FMNL2: variants seen among roughly 807,000 people sequenced by gnomAD.
FMNL2 encodes the protein formin like 2, also known as formin-like protein 2.
In FMNL2, 51 loss-of-function variants were observed where a neutral mutation model predicts 130.2. The observed-to-expected ratio is 0.39, with a 90% confidence interval of 0.31 to 0.49. The LOEUF (loss-of-function observed/expected upper bound fraction) is 0.49, where lower values mean the gene tolerates loss of function less well. FMNL2 is among the 20% of genes least tolerant of loss of function. The pLI is 0.85. For synonymous variants in FMNL2, 465 were observed against 467.1 expected, an observed-to-expected ratio of 1.00 and a Z score of 0.06; for missense variants, 977 against 1,316.2, an observed-to-expected ratio of 0.74 and a Z score of 3.99.
chr2:152,604,936 C>G (rs1698282369), intron 9 of FMNL2, among the ~76,000 whole-genome samples: 1 of 141,900 alleles, frequency 7.0e-6, no homozygotes, highest in Admixed American at 7.0e-5. Flanking sequence ...CATTGCAGTT[C>G]TGACCTTTCG....
chr2:152,402,576 G>T (rs1685764729), intron 1 of FMNL2, among the ~76,000 whole-genome samples: 1 of 152,326 alleles, frequency 6.6e-6, no homozygotes, highest in East Asian at 1.9e-4. Context: ...GTAGGAAGGT[G>T]CAAGGACAGA....
intron 1 of FMNL2, among the ~76,000 whole-genome samples, chr2:152,520,869 C>T (rs1397663884): frequency 6.6e-6 from 1 of 152,100 alleles, no homozygotes; most frequent in African/African-American, 2.4e-5. Context: ...TCTCCCTAAG[C>T]CAAGTCCTTC....
At chr2:152,509,994 C>T (rs922801131) in intron 1 of FMNL2, among the ~76,000 whole-genome samples, 4 of 152,002 alleles carry the variant, frequency 2.6e-5, no homozygotes, top group Admixed American at 6.5e-5. Context: ...AATGATCCTC[C>T]CACCTTAGCC....
intron 2 of FMNL2, among the ~76,000 whole-genome samples, chr2:152,524,514 A>G (rs1275284069): frequency 6.6e-6 from 1 of 152,212 alleles, no homozygotes; most frequent in African/African-American, 2.4e-5. Context: ...GTAGGTGAAC[A>G]GAGTTCCCAT....
Position 152,578,932 on chromosome 2 carries a change from G to T in FMNL2, c.750G>T (p.Glu250Asp), listed in dbSNP as rs757417476. 6.8e-6 allele frequency: 11 copies of T among 1,613,524 alleles called. No homozygotes were observed. Among genetic ancestry groups the T allele is most frequent in the Non-Finnish European group, 9.3e-6 (11 of 1,179,684 alleles). Residue 250 changes from glutamate (E) to aspartate (D), a missense_variant, in exon 8 of 26, where the codon GAG becomes GAT. This residue lies in a region of FMNL2 where 689 missense variants were observed against 995.9 expected (regional missense o/e 0.69). Coordinates refer to ENST00000288670, the MANE Select transcript of FMNL2 (RefSeq NM_052905.4). Reference protein sequence around the residue: ...MVMSHPHAVNEIALSLNNKNP... With the variant: ...MVMSHPHAVNDIALSLNNKNP... ...TGTCTCATCCACACGCTGTCAATGAGATTGCACTAAGCCTGAACAACAAGA... is the reference window on the plus strand; with the variant it reads ...TGTCTCATCCACACGCTGTCAATGATATTGCACTAAGCCTGAACAACAAGA...
chr2:152,419,417 G>A (rs1686788729), intron 1 of FMNL2, among the ~76,000 whole-genome samples: 1 of 152,098 alleles, frequency 6.6e-6, no homozygotes, highest in South Asian at 2.1e-4. Context: ...AACATGAGTG[G>A]AATTAGAAAA....
At chr2:152,577,975 G>A (rs1399862300) in intron 7 of FMNL2, among the ~76,000 whole-genome samples, 1 of 152,118 alleles carries the variant, frequency 6.6e-6, no homozygotes, top group African/African-American at 2.4e-5. Context: ...TATGCTAATG[G>A]CAATGAGTCT....
intron 15 of FMNL2, among the ~76,000 whole-genome samples, chr2:152,622,812 G>GTTT (rs34011004): frequency 2.2e-5 from 3 of 136,854 alleles, no homozygotes. Context: ...CTGAGAAAAG[G>GTTT]TTTTTTTTTT....
chr2:152,484,266 G>T (rs1391413759), intron 1 of FMNL2, among the ~76,000 whole-genome samples: 1 of 152,114 alleles, frequency 6.6e-6, no homozygotes, highest in Non-Finnish European at 1.5e-5. Context: ...CCAAGGTCTT[G>T]GGACTCAGCA....
chr2:152,649,246 A>AAATC lies in FMNL2; in HGVS notation c.*1342_*1345dup, dbSNP rs1159966439. On this transcript the variant is annotated 3_prime_UTR_variant, in exon 26 of 26. Coordinates refer to ENST00000288670, the MANE Select transcript of FMNL2 (RefSeq NM_052905.4). ...TTAAATGTACAGATATTTTGCTATA[A>AAATC]AATCGGTGCAGTTTTTTATGGTTTT... The AAATC allele has an allele frequency of 3.9e-5, 6 of 152,566 alleles. No homozygotes were observed. Among genetic ancestry groups the AAATC allele is most frequent in the Non-Finnish European group, 7.3e-5 (5 of 68,038 alleles). The allele number at this position is 152,566 out of a possible 1,614,324, so 9.5% of individuals were successfully genotyped here.
At chr2:152,492,663 CAAAA>C (rs931352530) in intron 1 of FMNL2, among the ~76,000 whole-genome samples, 1 of 152,026 alleles carries the variant, frequency 6.6e-6, no homozygotes, top group Non-Finnish European at 1.5e-5. Context: ...TTGATTCAAA[CAAAA>C]AAACTAGCAT....
intron 1 of FMNL2, among the ~76,000 whole-genome samples, chr2:152,502,662 G>A (rs1691912217): frequency 6.6e-6 from 1 of 152,180 alleles, no homozygotes; most frequent in Non-Finnish European, 1.5e-5. Flanking sequence ...ACTCCAGCCT[G>A]GGCAACAGAG....
chr2:152,375,712 T>C (rs1316827201), intron 1 of FMNL2, among the ~76,000 whole-genome samples: 1 of 152,010 alleles, frequency 6.6e-6, no homozygotes, highest in Non-Finnish European at 1.5e-5. Context: ...ACATCATCAG[T>C]TGGCTTTCTC....
intron 1 of FMNL2, among the ~76,000 whole-genome samples, chr2:152,338,612 T>C (rs1383072444): frequency 6.6e-6 from 1 of 152,184 alleles, no homozygotes; most frequent in African/African-American, 2.4e-5. Flanking sequence ...AAAAGTAATC[T>C]TTTTAATAGA....
intron 9 of FMNL2, among the ~76,000 whole-genome samples, chr2:152,590,908 G>A (rs576748341): frequency 2.1e-5 from 3 of 141,418 alleles, no homozygotes; most frequent in Non-Finnish European, 4.5e-5. Context: ...TGCTTGGACT[G>A]TTTGGTAAGT....
rs1491203656 is a variant in FMNL2, at chr2:152,607,506, C to CAG, written c.951+94_951+95insGA. The CAG allele has an allele frequency of 2.4e-5, 17 of 712,514 alleles. No homozygotes were observed. The African/African-American group carries it at 3.2e-4, about 13-fold the overall frequency. The allele number at this position is 712,514 out of a possible 1,614,324, so 44.1% of individuals were successfully genotyped here. On this transcript the variant is annotated intron_variant, in intron 10 of 25. Transcript: ENST00000288670. ...ACACACACACACACACACACACACA[C>CAG]ATATTTATATTACAAAGGACAGGGA...
chr2:152,637,741 C>A, intron 23 of FMNL2, 67 bp downstream of exon 23: 2 of 1,427,622 alleles, frequency 1.4e-6, no homozygotes, highest in Non-Finnish European at 2.0e-6. Flanking sequence ...GTGTCTGAGT[C>A]CCAACTCTCT....
At chr2:152,611,123 G>A (rs904260939) in intron 10 of FMNL2, among the ~76,000 whole-genome samples, 15 of 152,118 alleles carry the variant, frequency 9.9e-5, no homozygotes, top group East Asian at 5.8e-4. Context: ...GGCGGATCAC[G>A]AGGTCAGGTG....
At chr2:152,427,560 A>G (rs1283298344) in intron 1 of FMNL2, among the ~76,000 whole-genome samples, 1 of 152,184 alleles carries the variant, frequency 6.6e-6, no homozygotes, top group Non-Finnish European at 1.5e-5. Context: ...ATAAATAAAT[A>G]AAATGAAATC....
Sources: gnomAD v4.1 joint callset for allele counts (sites outside exome capture counted in the v4.1 genomes callset) on GRCh38, gnomAD v4.1.1 for gene constraint, gnomAD v4.1.1 regional missense constraint, MANE v1.5 for transcripts, NCBI Gene and HGNC (gene_info 2026-07-23, HGNC 2026-07-21) for gene names.